Variants in ACSL4 observed in about 807,000 individuals in gnomAD.
ACSL4 encodes the protein long-chain-fatty-acid--CoA ligase 4.
Under a neutral mutation model 49.1 loss-of-function variants are expected in ACSL4, and 9 were observed. That is an observed-to-expected ratio of 0.18 (90% confidence interval 0.11 to 0.32). ACSL4 has a LOEUF of 0.32. ACSL4 is among the 10% of genes least tolerant of loss of function. The pLI, the probability that ACSL4 is intolerant of heterozygous loss-of-function variation, is 1.00. For synonymous variants in ACSL4, 191 were observed against 170.3 expected (o/e 1.12, Z -0.95); for missense variants, 333 against 493.7 (o/e 0.67, Z 3.08).
chrX:109,718,780 GAA>G (rs1247639574), intron 1 of ACSL4, among the ~76,000 whole-genome samples: 1 of 105,795 alleles, frequency 9.5e-6, no homozygotes, highest in Non-Finnish European at 1.9e-5. Flanking sequence ...AGAAAGAAAA[GAA>G]ATCCCATAGT....
In ACSL4 at chrX:109,647,988, C is replaced by T. The variant is rs1488475294; in HGVS notation, c.1856-3802G>A. On this transcript the variant is annotated intron_variant, in intron 15 of 15. Coordinates refer to ENST00000672401, the MANE Select transcript of ACSL4 (RefSeq NM_001318510.2). ...GACTAAACCAGGAAGAAGTTGAATC[C>T]CTGAATAGACCAATAAAAAGTGCTG... Among the ~76,000 whole-genome samples the T allele has an allele frequency of 4.5e-5, 5 of 111,179 alleles. No individual in the cohort carries two copies. The East Asian group carries it at 8.4e-4, about 19-fold the overall frequency.
At chrX:109,659,571 G>T in intron 14 of ACSL4, 60 bp from the exon 15 acceptor site, 1 of 764,005 alleles carries the variant, frequency 1.3e-6, no homozygotes, top group Non-Finnish European at 2.0e-6. Context: ...TCATAAACTA[G>T]TCAATGACAT....
intron 1 of ACSL4, among the ~76,000 whole-genome samples, chrX:109,705,461 G>A (rs1311727080): frequency 8.9e-6 from 1 of 112,162 alleles, no homozygotes; most frequent in African/African-American, 3.2e-5. Flanking sequence ...TTGTCTGTGT[G>A]GTTTATTCTG....
intron 1 of ACSL4, among the ~76,000 whole-genome samples, chrX:109,730,183 T>C (rs961612216): frequency 1.8e-5 from 2 of 112,603 alleles, no homozygotes; most frequent in African/African-American, 3.2e-5. Context: ...ACTATACTTA[T>C]GCATGAGGCT....
chrX:109,671,934 A>G (rs1469053746), intron 9 of ACSL4, among the ~76,000 whole-genome samples: 53 of 103,348 alleles, frequency 5.1e-4, no homozygotes, highest in South Asian at 8.5e-4. Context: ...GGACACAAAC[A>G]CTGCGGAAGG....
At chrX:109,674,539 TTAA>T (rs1923525622) in intron 8 of ACSL4, 66 bp from the exon 9 acceptor site, 1 of 787,621 alleles carries the variant, frequency 1.3e-6, no homozygotes, top group Non-Finnish European at 1.9e-6. Flanking sequence ...AATTCAAGTA[TTAA>T]TAACAAATAC....
intron 1 of ACSL4, among the ~76,000 whole-genome samples, chrX:109,724,438 C>T (rs1927804712): frequency 9.0e-6 from 1 of 110,819 alleles, no homozygotes; most frequent in Admixed American, 9.6e-5. Flanking sequence ...CCATGCCTGG[C>T]TAATTTTTGT....
At chrX:109,725,623 T>C (rs1046445658) in intron 1 of ACSL4, among the ~76,000 whole-genome samples, 1 of 109,823 alleles carries the variant, frequency 9.1e-6, no homozygotes, top group Non-Finnish European at 1.9e-5. Context: ...ATTAGCCAGG[T>C]GTGGTGGAGG....
intron 1 of ACSL4, among the ~76,000 whole-genome samples, chrX:109,726,474 T>C (rs1191151262): frequency 9.0e-6 from 1 of 111,584 alleles, no homozygotes; most frequent in South Asian, 3.7e-4. Context: ...AACCAACATA[T>C]ACAGGTTTAG....
At chrX:109,687,135 A>G (rs1197637867) in intron 2 of ACSL4, among the ~76,000 whole-genome samples, 4 of 111,901 alleles carry the variant, frequency 3.6e-5, no homozygotes, top group Non-Finnish European at 7.5e-5. Flanking sequence ...TTTCAAGTAC[A>G]CTAGCCAGCC....
At chrX:109,715,291 G>A (rs954707069) in intron 1 of ACSL4, among the ~76,000 whole-genome samples, 1 of 110,956 alleles carries the variant, frequency 9.0e-6, no homozygotes, top group African/African-American at 3.3e-5. Flanking sequence ...GGGAAGCTGG[G>A]GGCACATTAC....
At chrX:109,723,670 TACAA>T (rs1177703543) in intron 1 of ACSL4, among the ~76,000 whole-genome samples, 5 of 112,491 alleles carry the variant, frequency 4.4e-5, no homozygotes, top group African/African-American at 9.7e-5. Flanking sequence ...TTTTCACAGT[TACAA>T]ACAGTTTCAC....
rs775767234 is a variant in ACSL4 at position 109,683,391 on chromosome X, A to G, written c.-12-16T>C. On this transcript the variant is annotated splice_polypyrimidine_tract_variant and intron_variant, in intron 2 of 15. Coordinates refer to ENST00000672401, the MANE Select transcript of ACSL4 (RefSeq NM_001318510.2). Reference sequence around the variant, plus strand: ...CGTTTTTCTTCTTGGCATTGGTAAGAAAATACCATGGAATAAATATAAGGG... The same window carrying G: ...CGTTTTTCTTCTTGGCATTGGTAAGGAAATACCATGGAATAAATATAAGGG... 1 of 1,211,549 alleles carries G rather than the reference A, an allele frequency of 8.3e-7. No individual in the cohort carries two copies. The highest frequency in any genetic ancestry group is 1.7e-5 in the African/African-American group (1 of 57,906).
chrX:109,671,627 A>C (rs908474625), intron 9 of ACSL4, among the ~76,000 whole-genome samples: 3 of 112,596 alleles, frequency 2.7e-5, no homozygotes, highest in African/African-American at 9.7e-5. Context: ...CGGTTTTGTC[A>C]AATAGAAAAG....
chrX:109,663,666 A>G (rs1922366402), intron 12 of ACSL4, among the ~76,000 whole-genome samples: 1 of 111,375 alleles, frequency 9.0e-6, no homozygotes, highest in Admixed American at 9.6e-5. Flanking sequence ...TTAGAACACC[A>G]TTAGAGCTTA....
chrX:109,662,736 C>T (rs1922274164), intron 13 of ACSL4, among the ~76,000 whole-genome samples: 1 of 110,741 alleles, frequency 9.0e-6, no homozygotes, highest in African/African-American at 3.3e-5. Flanking sequence ...ATATAAATAG[C>T]CAACAGTAAA....
chrX:109,716,686 T>G (rs1927144480), intron 1 of ACSL4, among the ~76,000 whole-genome samples: 1 of 112,132 alleles, frequency 8.9e-6, no homozygotes, highest in African/African-American at 3.2e-5. Flanking sequence ...AAGGCACTTT[T>G]GCATAGTGCC....
intron 15 of ACSL4, among the ~76,000 whole-genome samples, chrX:109,656,216 C>T (rs2147379247): frequency 9.0e-6 from 1 of 110,793 alleles, no homozygotes; most frequent in East Asian, 2.8e-4. Context: ...GCTATCCTTT[C>T]CTGTATTAGG....
chrX:109,649,847 C>G (rs1210007248), intron 15 of ACSL4, among the ~76,000 whole-genome samples: 1 of 107,087 alleles, frequency 9.3e-6, no homozygotes. Flanking sequence ...ACAAACAACC[C>G]CATCAAAAAG....
Sources: allele counts gnomAD v4.1 joint callset (sites outside exome capture counted in the v4.1 genomes callset), GRCh38; gene constraint gnomAD v4.1.1; transcripts MANE v1.5; gene names NCBI Gene and HGNC (gene_info 2026-07-23, HGNC 2026-07-21).